KIAA1958: variants seen among roughly 807,000 people sequenced by gnomAD.
KIAA1958 encodes KIAA1958.
In KIAA1958, 14 loss-of-function variants were observed where a neutral mutation model predicts 47.2. That is an observed-to-expected ratio of 0.30 (90% confidence interval 0.20 to 0.46). The LOEUF (loss-of-function observed/expected upper bound fraction) is 0.46, where lower values mean the gene tolerates loss of function less well. KIAA1958 is among the 20% of genes least tolerant of loss of function. The pLI is 1.00. For missense variants in KIAA1958, 803 were observed against 909.2 expected, an observed-to-expected ratio of 0.88 and a Z score of 1.50; for synonymous variants, 354 against 353.3, an observed-to-expected ratio of 1.00 and a Z score of -0.02.
intron 2 of KIAA1958, among the ~76,000 whole-genome samples, chr9:112,635,358 C>G (rs140482714): frequency 6.6e-6 from 1 of 151,936 alleles, no homozygotes; most frequent in African/African-American, 2.4e-5. Context: ...TTAAGCCATC[C>G]TCTCACCTCA....
rs1458342400 is a variant in KIAA1958 at position 112,618,869 on chromosome 9, A to G, written c.1172-26781A>G. On this transcript the variant is annotated intron_variant, in intron 2 of 3. Transcript: ENST00000337530. The surrounding 1 kb of genome is among the most constrained non-coding windows in gnomAD (Gnocchi z 7.1). The stretch of plus-strand genomic sequence containing the variant: ...AGTGGCCGGCCACTCCAACAATGGC[A>G]ATTTCATCGTCTCCGCCTCCTATGA... The G allele has an allele frequency of 2.6e-6, 4 of 1,548,708 alleles. No individual in the cohort carries two copies. In the East Asian group the frequency reaches 9.8e-5, roughly 38 times the overall value.
At position 112,638,667 on chromosome 9, in the gene KIAA1958, A is replaced by G. The variant is rs900079227; in HGVS notation, c.1172-6983A>G. Reference sequence around the variant, plus strand: ...TTTTATTTTGGAAAATTCTCGACCAATATTTTTAAAATATTGCTACTTCCC... The same window carrying G: ...TTTTATTTTGGAAAATTCTCGACCAGTATTTTTAAAATATTGCTACTTCCC... On this transcript the variant is annotated intron_variant, in intron 2 of 3. Transcript: ENST00000337530. 7.2e-5 allele frequency among the ~76,000 whole-genome samples: 11 copies of G among 152,314 alleles called. No individual in the cohort carries two copies. The East Asian group carries it at 1.9e-3, about 27-fold the overall frequency.
At chr9:112,547,717 G>A (rs1304524862) in intron 1 of KIAA1958, among the ~76,000 whole-genome samples, 1 of 152,214 alleles carries the variant, frequency 6.6e-6, no homozygotes, top group African/African-American at 2.4e-5. Flanking sequence ...GCTGTCTCTT[G>A]TGGGGAAAAT....
At chr9:112,571,131 T>C (rs1564176043) in intron 1 of KIAA1958, among the ~76,000 whole-genome samples, 1 of 152,200 alleles carries the variant, frequency 6.6e-6, no homozygotes. Flanking sequence ...ACTCACACAC[T>C]AATCTCTCCT....
Position 112,666,102 on chromosome 9 carries a change from G to C in KIAA1958, c.*6033G>C, listed in dbSNP as rs12171708. On this transcript the variant is annotated 3_prime_UTR_variant, in exon 4 of 4. Coordinates refer to ENST00000337530, the MANE Select transcript of KIAA1958 (RefSeq NM_133465.4). ...TCCTCCTGCCTCAGTCTCCCAAGTA[G>C]CTGGGATTACAAGCGTGTGCCACCA... 1 of 151,860 alleles carries C rather than the reference G, an allele frequency of 6.6e-6. No homozygotes were observed. The highest frequency in any genetic ancestry group is 1.5e-5 in the Non-Finnish European group (1 of 68,008). The allele number at this position is 151,860 out of a possible 1,614,324, so 9.4% of individuals were successfully genotyped here.
intron 1 of KIAA1958, among the ~76,000 whole-genome samples, chr9:112,503,440 GC>G (rs1308475218): frequency 1.3e-5 from 2 of 151,920 alleles, no homozygotes; most frequent in Non-Finnish European, 2.9e-5. Context: ...GACTGCTTAA[GC>G]CCATAAGTTT....
At chr9:112,600,095 T>C (rs368368885) in intron 2 of KIAA1958, among the ~76,000 whole-genome samples, 1 of 152,250 alleles carries the variant, frequency 6.6e-6, no homozygotes, top group African/African-American at 2.4e-5. Context: ...TTGTGATTAA[T>C]ATAGTACAAT....
chr9:112,519,759 T>C (rs1834506306), intron 1 of KIAA1958, among the ~76,000 whole-genome samples: 1 of 152,242 alleles, frequency 6.6e-6, no homozygotes, highest in Non-Finnish European at 1.5e-5. Context: ...TGAGAAATGC[T>C]GATGTACCTT....
At chr9:112,610,597 G>A (rs182738340) in intron 2 of KIAA1958, among the ~76,000 whole-genome samples, 2 of 152,256 alleles carry the variant, frequency 1.3e-5, no homozygotes, top group African/African-American at 4.8e-5. Flanking sequence ...AAGCTTGGAA[G>A]AAGTAGATGA....
In KIAA1958 at chr9:112,659,844, G is replaced by A. The variant is rs199930031; in HGVS notation, c.1926G>A (p.Pro642=). 24 of 1,613,924 alleles carry A rather than the reference G, an allele frequency of 1.5e-5. No individual in the cohort carries two copies. Among genetic ancestry groups the A allele is most frequent in the East Asian group, 6.7e-5 (3 of 44,896 alleles). The change falls in exon 4 of 4, where the codon CCG becomes CCA. Residue 642 remains proline, a synonymous_variant. Transcript: ENST00000337530. ...ACAAGTACATGTACATCCACCGGCCGCCCACCCAAATGGAGGCCAAGTCCC... is the reference window on the plus strand; with the variant it reads ...ACAAGTACATGTACATCCACCGGCCACCCACCCAAATGGAGGCCAAGTCCC... ...LLYKYMYIHR[P]PTQMEAKSPF...
At chr9:112,501,556 A>G (rs371751515) in intron 1 of KIAA1958, among the ~76,000 whole-genome samples, 5 of 152,236 alleles carry the variant, frequency 3.3e-5, no homozygotes, top group African/African-American at 7.2e-5. Flanking sequence ...CAAGTCTTCA[A>G]TTGGTCTTAG....
At chr9:112,515,421 TGGC>T (rs1834409928) in intron 1 of KIAA1958, among the ~76,000 whole-genome samples, 1 of 132,850 alleles carries the variant, frequency 7.5e-6, no homozygotes, top group Non-Finnish European at 1.6e-5. Context: ...AGGATGACAA[TGGC>T]GGCTTTGCGG....
At chr9:112,503,548 C>G (rs1834180812) in intron 1 of KIAA1958, among the ~76,000 whole-genome samples, 1 of 142,120 alleles carries the variant, frequency 7.0e-6, no homozygotes, top group Non-Finnish European at 1.5e-5. Flanking sequence ...ACTAGGGAGG[C>G]TGAGGCTGCA....
chr9:112,633,535 C>T (rs1704373085), intron 2 of KIAA1958, among the ~76,000 whole-genome samples: 1 of 151,892 alleles, frequency 6.6e-6, no homozygotes, highest in Non-Finnish European at 1.5e-5. Flanking sequence ...TGAAGTATAG[C>T]TTGATTAATT....
rs747637206 is a variant in KIAA1958, at chr9:112,613,352, A to G, written c.1172-32298A>G. Reference sequence around the variant, plus strand: ...AAATACGCAAGTCAGTTCTAGGTGGATGGCAGATCAAAATGTGAAAAGTGA... The same window carrying G: ...AAATACGCAAGTCAGTTCTAGGTGGGTGGCAGATCAAAATGTGAAAAGTGA... On this transcript the variant is annotated intron_variant, in intron 2 of 3. Coordinates refer to ENST00000337530, the MANE Select transcript of KIAA1958 (RefSeq NM_133465.4). Among the ~76,000 whole-genome samples the G allele has an allele frequency of 2.0e-5, 3 of 152,206 alleles. No individual in the cohort carries two copies. The South Asian group carries it at 6.2e-4, about 32-fold the overall frequency.
intron 2 of KIAA1958, among the ~76,000 whole-genome samples, chr9:112,636,106 T>A (rs1417157802): frequency 8.1e-5 from 12 of 147,902 alleles, no homozygotes; most frequent in Admixed American, 4.7e-4. Context: ...ATTGTTTATT[T>A]TATATATATA....
chr9:112,644,006 C>T (rs558355090), intron 2 of KIAA1958, among the ~76,000 whole-genome samples: 5 of 152,090 alleles, frequency 3.3e-5, no homozygotes, highest in South Asian at 4.2e-4. Flanking sequence ...GACAAAAACC[C>T]GTTTCTACTA....
rs781574337 is a variant in KIAA1958 at position 112,659,785 on chromosome 9, C to G, written c.1867C>G (p.Arg623Gly). The G allele has an allele frequency of 5.6e-6, 9 of 1,614,022 alleles. No homozygotes were observed. The African/African-American group carries it at 1.2e-4, about 22-fold the overall frequency. The change falls in exon 4 of 4, where the codon CGG becomes GGG. Residue 623 changes from arginine to glycine, a missense_variant. Around this residue, in one of 2 missense-constraint regions of KIAA1958, gnomAD observed 761 missense variants for 829.3 expected, o/e 0.92. Transcript: ENST00000337530. ...CHGKIYHEHSRGHKQCPYCLL... is the reference protein window; with the variant it reads ...CHGKIYHEHSGGHKQCPYCLL... Reference sequence around the variant, plus strand: ...CGGGAAGATCTACCATGAGCATTCCCGGGGACACAAACAGTGCCCTTACTG... The same window carrying G: ...CGGGAAGATCTACCATGAGCATTCCGGGGGACACAAACAGTGCCCTTACTG...
chr9:112,601,678 G>A (rs1163426112), intron 2 of KIAA1958, among the ~76,000 whole-genome samples: 1 of 152,198 alleles, frequency 6.6e-6, no homozygotes, highest in Non-Finnish European at 1.5e-5. Context: ...AGATGAGAAA[G>A]CGGAGGAAGC....
Sources: allele counts gnomAD v4.1 joint callset (sites outside exome capture counted in the v4.1 genomes callset), GRCh38; gene constraint gnomAD v4.1.1; regional missense constraint gnomAD v4.1.1; non-coding constraint Gnocchi (gnomAD v3.1); transcripts MANE v1.5; gene names NCBI Gene and HGNC (gene_info 2026-07-23, HGNC 2026-07-21).